The following GLCE variants were observed in gnomAD, a reference collection of about 807,000 sequenced individuals.
GLCE encodes the protein D-glucuronyl C5-epimerase.
A neutral mutation model predicts 47.9 loss-of-function variants in GLCE; 19 were observed. The observed-to-expected ratio is 0.40, with a 90% CI of 0.28 to 0.58. GLCE has a LOEUF of 0.58. Ranked by LOEUF, GLCE falls within the 20% of genes least tolerant of loss-of-function variation. The pLI, the probability that GLCE is intolerant of heterozygous loss-of-function variation, is 0.48. For missense variants in GLCE, 556 were observed against 743.3 expected (o/e 0.75, Z 2.93); for synonymous variants, 245 against 263.4 (o/e 0.93, Z 0.68).
At chr15:69,169,531 C>G (rs913362695) in intron 1 of GLCE, among the ~76,000 whole-genome samples, 1 of 150,824 alleles carries the variant, frequency 6.6e-6, no homozygotes, top group Non-Finnish European at 1.5e-5. Context: ...GGTATATCTC[C>G]TAATGCTGTC....
At chr15:69,258,320 C>T (rs1249540260) in intron 3 of GLCE, among the ~76,000 whole-genome samples, 2 of 104,122 alleles carry the variant, frequency 1.9e-5, no homozygotes, top group Admixed American at 1.2e-4. Context: ...CTACAAAGCA[C>T]GTGATCTCTT....
intron 3 of GLCE, among the ~76,000 whole-genome samples, chr15:69,258,694 A>G (rs954189193): frequency 2.0e-5 from 3 of 152,178 alleles, no homozygotes; most frequent in African/African-American, 7.2e-5. Context: ...TTAATGGTGT[A>G]TCCATCACCT....
At chr15:69,249,208 G>C (rs1214971306) in intron 2 of GLCE, among the ~76,000 whole-genome samples, 1 of 152,136 alleles carries the variant, frequency 6.6e-6, no homozygotes, top group African/African-American at 2.4e-5. Flanking sequence ...CATGGGGAAT[G>C]ACAAGTGCAA....
In GLCE at chr15:69,195,885, G is replaced by C. The variant is rs187512832; in HGVS notation, c.-104-14431G>C. On this transcript the variant is annotated intron_variant, in intron 1 of 4. Transcript: ENST00000261858. ...ACCATTCCTACTATTGCCAGGTACTGTTGTATCACATACAACAGTAAACAA... is the reference window on the plus strand; with the variant it reads ...ACCATTCCTACTATTGCCAGGTACTCTTGTATCACATACAACAGTAAACAA... Among the ~76,000 whole-genome samples the C allele has an allele frequency of 8.5e-5, 13 of 152,212 alleles. No individual in the cohort carries two copies. In the East Asian group the frequency reaches 2.3e-3, roughly 27 times the overall value.
intron 2 of GLCE, among the ~76,000 whole-genome samples, chr15:69,227,001 T>C (rs1272214024): frequency 2.0e-5 from 3 of 152,046 alleles, no homozygotes; most frequent in Admixed American, 2.0e-4. Flanking sequence ...TGCCTCGGCC[T>C]CCCAAAGTGC....
chr15:69,168,300 A>C (rs956050597), intron 1 of GLCE, among the ~76,000 whole-genome samples: 2 of 152,200 alleles, frequency 1.3e-5, no homozygotes, highest in African/African-American at 4.8e-5. Flanking sequence ...AAAAATTAAA[A>C]AACATAAGAC....
At chr15:69,264,680 C>T (rs1390471232) in intron 4 of GLCE, among the ~76,000 whole-genome samples, 2 of 152,134 alleles carry the variant, frequency 1.3e-5, no homozygotes, top group Non-Finnish European at 2.9e-5. Flanking sequence ...TCCCTTTCTC[C>T]ATATCCTCAC....
At chr15:69,238,288 A>G (rs369879138) in intron 2 of GLCE, among the ~76,000 whole-genome samples, 2 of 152,196 alleles carry the variant, frequency 1.3e-5, no homozygotes, top group African/African-American at 4.8e-5. Flanking sequence ...ACTTGGAGCC[A>G]TAATATGATA....
intron 1 of GLCE, among the ~76,000 whole-genome samples, chr15:69,189,424 GTTTA>G (rs909860907): frequency 1.3e-5 from 2 of 152,166 alleles, no homozygotes; most frequent in Non-Finnish European, 2.9e-5. Flanking sequence ...ATGTGCCACG[GTTTA>G]TTTATCCATT....
chr15:69,212,393 T>A (rs2052245528), intron 2 of GLCE, among the ~76,000 whole-genome samples: 2 of 151,980 alleles, frequency 1.3e-5, no homozygotes, highest in Non-Finnish European at 2.9e-5. Context: ...GTTTATACTT[T>A]GATTTTCTCT....
At chr15:69,166,145 A>G (rs772112308) in intron 1 of GLCE, among the ~76,000 whole-genome samples, 1 of 152,334 alleles carries the variant, frequency 6.6e-6, no homozygotes, top group South Asian at 2.1e-4. Context: ...TACTTGGAAA[A>G]TGATAGTAGC....
chr15:69,205,874 A>G (rs1041515754), intron 1 of GLCE, among the ~76,000 whole-genome samples: 2 of 152,128 alleles, frequency 1.3e-5, no homozygotes, highest in African/African-American at 4.8e-5. Flanking sequence ...AGTTACAAAG[A>G]TAATACAAAG....
intron 2 of GLCE, among the ~76,000 whole-genome samples, chr15:69,254,246 T>C (rs972377290): frequency 5.9e-5 from 9 of 152,188 alleles, no homozygotes; most frequent in Non-Finnish European, 1.3e-4. Flanking sequence ...TATCATACAT[T>C]ATATGTATAA....
At chr15:69,251,030 TA>T (rs1031575046) in intron 2 of GLCE, among the ~76,000 whole-genome samples, 2 of 152,018 alleles carry the variant, frequency 1.3e-5, no homozygotes, top group Admixed American at 6.6e-5. Context: ...CTAAGTCTCT[TA>T]AAAAAACACA....
chr15:69,246,684 C>G (rs1361502144), intron 2 of GLCE, among the ~76,000 whole-genome samples: 1 of 151,092 alleles, frequency 6.6e-6, no homozygotes, highest in Non-Finnish European at 1.5e-5. Context: ...CCACTGCACT[C>G]CAGCCTGGGC....
chr15:69,232,908 A>G (rs2052544747), intron 2 of GLCE, among the ~76,000 whole-genome samples: 1 of 152,320 alleles, frequency 6.6e-6, no homozygotes, highest in Non-Finnish European at 1.5e-5. Flanking sequence ...AATGTCATAG[A>G]CTAAATGAGA....
At chr15:69,257,586 C>T (rs1375810973) in intron 3 of GLCE, among the ~76,000 whole-genome samples, 2 of 152,176 alleles carry the variant, frequency 1.3e-5, no homozygotes, top group Non-Finnish European at 2.9e-5. Flanking sequence ...CTCAAGCAGT[C>T]CTTCCACCTT....
chr15:69,196,635 A>G (rs2051997359), intron 1 of GLCE: 1 of 162,256 alleles, frequency 6.2e-6, no homozygotes, highest in South Asian at 1.6e-4. Context: ...AAAGTTGGCA[A>G]CGACCAATTG....
intron 2 of GLCE, among the ~76,000 whole-genome samples, chr15:69,227,685 A>G (rs537572351): frequency 1.2e-4 from 18 of 152,218 alleles, no homozygotes; most frequent in Non-Finnish European, 2.4e-4. Context: ...TTATACTGAT[A>G]ATTTCAATTT....
Sources: gnomAD v4.1 joint callset for allele counts (sites outside exome capture counted in the v4.1 genomes callset) on GRCh38, gnomAD v4.1.1 for gene constraint, MANE v1.5 for transcripts, NCBI Gene and HGNC (gene_info 2026-07-23, HGNC 2026-07-21) for gene names.